The following FRYL variants were observed in gnomAD, a reference collection of about 807,000 sequenced individuals.
FRYL encodes the protein protein furry homolog-like.
FRYL carries 150 observed loss-of-function variants against 351.2 expected under a neutral mutation model. The ratio of observed to expected loss-of-function variants is 0.43; its 90% CI spans 0.37 to 0.49. The LOEUF (loss-of-function observed/expected upper bound fraction) is 0.49. FRYL is among the 20% of genes least tolerant of loss of function. FRYL has a pLI of 0.00. For missense variants in FRYL, 3,036 were observed against 3,619.3 expected (o/e 0.84, Z 4.13); for synonymous variants, 1,153 against 1,257.1 (o/e 0.92, Z 1.75).
chr4:48,707,698 T>C (rs1436853833), intron 2 of FRYL, among the ~76,000 whole-genome samples: 1 of 152,122 alleles, frequency 6.6e-6, no homozygotes, highest in Non-Finnish European at 1.5e-5. Flanking sequence ...AGGCAAGAAG[T>C]GATTGAAGTG....
chr4:48,590,839 GA>G lies in FRYL; in HGVS notation c.1336-10del. On this transcript the variant is annotated splice_polypyrimidine_tract_variant and intron_variant, in intron 16 of 63. Transcript: ENST00000358350. ...AGACCTATGTTCATTCTCTTCAAAG[GA>G]AAAAAATGCAAAAGGAAGAGATGAG... 3 of 1,583,402 alleles carry G rather than the reference GA, an allele frequency of 1.9e-6. No homozygotes were observed. Among genetic ancestry groups the G allele is most frequent in the Admixed American group, 1.9e-5 (1 of 52,502 alleles).
At chr4:48,586,076 C>T (rs994553741) in intron 19 of FRYL, among the ~76,000 whole-genome samples, 2 of 152,102 alleles carry the variant, frequency 1.3e-5, no homozygotes, top group African/African-American at 2.4e-5. Flanking sequence ...AACAGGCTAT[C>T]GTCTCAACTT....
chr4:48,640,583 T>A (rs1266310068), intron 3 of FRYL, among the ~76,000 whole-genome samples: 1 of 152,272 alleles, frequency 6.6e-6, no homozygotes, highest in East Asian at 1.9e-4. Flanking sequence ...ATACATGTCA[T>A]TATACATCTG....
Position 48,602,004 on chromosome 4 carries a change from T to C in FRYL, c.1035+16A>G, listed in dbSNP as rs775924578. On this transcript the variant is annotated intron_variant, in intron 13 of 63. Coordinates refer to ENST00000358350, the MANE Select transcript of FRYL (RefSeq NM_015030.2). Reference sequence around the variant, plus strand: ...CCAGTCAGTATTTACATATCAGAAGTGTGATTACATCTTACCTTTAAATGT... The same window carrying C: ...CCAGTCAGTATTTACATATCAGAAGCGTGATTACATCTTACCTTTAAATGT... 7.4e-7 allele frequency: 1 copy of C among 1,346,764 alleles called. No individual in the cohort carries two copies. Among genetic ancestry groups the C allele is most frequent in the South Asian group, 1.2e-5 (1 of 84,804 alleles). The allele number at this position is 1,346,764 out of a possible 1,614,324, so 83.4% of individuals were successfully genotyped here.
intron 3 of FRYL, among the ~76,000 whole-genome samples, chr4:48,656,383 T>TTATATAATATATACTAAATATAA (rs1560799864): frequency 1.6e-5 from 2 of 127,184 alleles, no homozygotes; most frequent in African/African-American, 2.9e-5. Flanking sequence ...ACTAAATATA[T>TTATATAATATATACTAAATATAA]AATATATAAT....
chr4:48,711,919 C>A (rs542038296), intron 1 of FRYL, among the ~76,000 whole-genome samples: 3 of 152,320 alleles, frequency 2.0e-5, no homozygotes, highest in Non-Finnish European at 4.4e-5. Context: ...CGAAAAACCG[C>A]TGCTCTGCAA....
At chr4:48,682,428 T>G (rs1393126230) in intron 3 of FRYL, among the ~76,000 whole-genome samples, 1 of 152,044 alleles carries the variant, frequency 6.6e-6, no homozygotes, top group East Asian at 1.9e-4. Flanking sequence ...AAATGGGATC[T>G]AATTAAAGAG....
intron 4 of FRYL, among the ~76,000 whole-genome samples, chr4:48,632,576 T>C (rs1753447043): frequency 6.6e-6 from 1 of 150,718 alleles, no homozygotes; most frequent in Non-Finnish European, 1.5e-5. Context: ...ATATATACTA[T>C]ATATACATTA....
At chr4:48,768,688 A>G (rs1463962259) in intron 1 of FRYL, among the ~76,000 whole-genome samples, 6 of 152,128 alleles carry the variant, frequency 3.9e-5, no homozygotes, top group Non-Finnish European at 7.4e-5. Flanking sequence ...CTGTAATCCC[A>G]GCTACTCAGA....
At chr4:48,633,014 T>G (rs1420749536) in intron 4 of FRYL, among the ~76,000 whole-genome samples, 1 of 152,124 alleles carries the variant, frequency 6.6e-6, no homozygotes, top group East Asian at 1.9e-4. Flanking sequence ...GAATCTGAAA[T>G]TGGTGGTGAA....
At chr4:48,683,813 A>T (rs954222552) in intron 3 of FRYL, among the ~76,000 whole-genome samples, 2 of 152,244 alleles carry the variant, frequency 1.3e-5, no homozygotes, top group African/African-American at 4.8e-5. Flanking sequence ...ACAACTTGTT[A>T]GAATGGTAAA....
intron 26 of FRYL, among the ~76,000 whole-genome samples, chr4:48,572,916 C>T (rs772536356): frequency 5.3e-5 from 8 of 152,094 alleles, no homozygotes; most frequent in Admixed American, 3.9e-4. Flanking sequence ...CCTGTAAAGC[C>T]GAAAATATTT....
intron 11 of FRYL, among the ~76,000 whole-genome samples, chr4:48,603,906 A>G (rs1211538499): frequency 2.0e-5 from 3 of 152,122 alleles, no homozygotes; most frequent in Non-Finnish European, 4.4e-5. Context: ...CAGACACAGG[A>G]AGTCTTACTG....
chr4:48,555,350 T>C (rs568477404), intron 35 of FRYL, among the ~76,000 whole-genome samples: 26 of 152,228 alleles, frequency 1.7e-4, no homozygotes, highest in Non-Finnish European at 3.5e-4. Flanking sequence ...GCCTACAATC[T>C]ACTGGTTGAT....
chr4:48,753,848 G>A (rs1012550376), intron 1 of FRYL, among the ~76,000 whole-genome samples: 2 of 151,812 alleles, frequency 1.3e-5, no homozygotes, highest in African/African-American at 4.8e-5. Flanking sequence ...TTTGCATGTG[G>A]AAATCCAGAT....
intron 35 of FRYL, among the ~76,000 whole-genome samples, chr4:48,555,531 G>A (rs78946700): frequency 0.02 from 3,047 of 152,298 alleles, 96 homozygotes; most frequent in African/African-American, 0.069. Flanking sequence ...GCCACCTGAA[G>A]GAGGACCTGA....
At chr4:48,776,296 T>A (rs1297360422) in intron 1 of FRYL, among the ~76,000 whole-genome samples, 1 of 152,122 alleles carries the variant, frequency 6.6e-6, no homozygotes, top group Non-Finnish European at 1.5e-5. Context: ...CCACTTTTAA[T>A]TTTGAAATTA....
At chr4:48,573,928 G>C (rs528642502) in intron 25 of FRYL, among the ~76,000 whole-genome samples, 1 of 152,034 alleles carries the variant, frequency 6.6e-6, no homozygotes, top group African/African-American at 2.4e-5. Flanking sequence ...ATAGGGTGGG[G>C]TACCATAATT....
intron 59 of FRYL, among the ~76,000 whole-genome samples, chr4:48,506,966 CAG>C (rs1031599451): frequency 5.4e-4 from 82 of 152,144 alleles, no homozygotes; most frequent in African/African-American, 1.8e-3. Flanking sequence ...CAAAAGCTAT[CAG>C]TGGATTTCTT....
Sources: allele counts gnomAD v4.1 joint callset (sites outside exome capture counted in the v4.1 genomes callset), GRCh38; gene constraint gnomAD v4.1.1; transcripts MANE v1.5; gene names NCBI Gene and HGNC (gene_info 2026-07-23, HGNC 2026-07-21).